NXPH1: variants seen among roughly 807,000 people sequenced by gnomAD.
The protein encoded by NXPH1 is neurexophilin-1.
In NXPH1, 5 loss-of-function variants were observed where a neutral mutation model predicts 23.7. The observed-to-expected ratio is 0.21, with a 90% CI of 0.11 to 0.44. The LOEUF (loss-of-function observed/expected upper bound fraction) is 0.44, where lower values mean the gene tolerates loss of function less well. Ranked by LOEUF, NXPH1 falls within the 20% of genes least tolerant of loss-of-function variation. The pLI, the probability that NXPH1 is intolerant of heterozygous loss-of-function variation, is 0.99. For missense variants in NXPH1, 324 were observed against 321.6 expected (o/e 1.01, Z -0.06); for synonymous variants, 144 against 122.2 (o/e 1.18, Z -1.18).
intron 2 of NXPH1, among the ~76,000 whole-genome samples, chr7:8,663,924 A>G (rs1562447287): frequency 6.6e-6 from 1 of 152,206 alleles, no homozygotes; most frequent in East Asian, 1.9e-4. Context: ...CTGGATTTAG[A>G]ACGCCATGTA....
At chr7:8,710,639 C>CGGT (rs1313179712) in intron 2 of NXPH1, among the ~76,000 whole-genome samples, 1 of 32,314 alleles carries the variant, frequency 3.1e-5, no homozygotes, top group Non-Finnish European at 5.1e-5. Flanking sequence ...TCAACTGTTA[C>CGGT]GTTTTTTGTT....
At chr7:8,606,036 T>C (rs1252260517) in intron 2 of NXPH1, among the ~76,000 whole-genome samples, 2 of 152,140 alleles carry the variant, frequency 1.3e-5, no homozygotes, top group African/African-American at 4.8e-5. Flanking sequence ...CTGTGTCTAA[T>C]ATGTAAAAAT....
intron 2 of NXPH1, among the ~76,000 whole-genome samples, chr7:8,575,750 C>A (rs1818742483): frequency 7.3e-6 from 1 of 137,782 alleles, no homozygotes. Context: ...AGGCATTGGG[C>A]AATGATCTTT....
intron 2 of NXPH1, among the ~76,000 whole-genome samples, chr7:8,485,356 C>G (rs1817141779): frequency 6.6e-6 from 1 of 152,166 alleles, no homozygotes; most frequent in African/African-American, 2.4e-5. Flanking sequence ...ATTACCCAGT[C>G]TTGGGTATGT....
At position 8,435,343 on chromosome 7, in the gene NXPH1, C is replaced by T. The variant is rs1206678188; in HGVS notation, c.-110-261C>T. 2 of 332,666 alleles carry T rather than the reference C, an allele frequency of 6.0e-6. No individual in the cohort carries two copies. Among genetic ancestry groups the T allele is most frequent in the African/African-American group, 2.2e-5 (1 of 45,966 alleles). 20.6% of individuals were successfully genotyped at this position (332,666 alleles called of 1,614,324 possible). Reference sequence around the variant, plus strand: ...CTGCACGCGGCTCAGTGTGCTCCGCCGCCTGGGAACTCGCACCCGAGGAGC... The same window carrying T: ...CTGCACGCGGCTCAGTGTGCTCCGCTGCCTGGGAACTCGCACCCGAGGAGC... On this transcript the variant is annotated intron_variant, in intron 1 of 2. Transcript: ENST00000405863. The surrounding 1 kb of genome is among the most constrained non-coding windows in gnomAD (Gnocchi z 5.9).
At chr7:8,474,288 A>T (rs1049122657) in intron 2 of NXPH1, among the ~76,000 whole-genome samples, 1 of 152,100 alleles carries the variant, frequency 6.6e-6, no homozygotes, top group South Asian at 2.1e-4. Context: ...AATTTTGATC[A>T]GTTTCTATCA....
intron 2 of NXPH1, among the ~76,000 whole-genome samples, chr7:8,565,457 A>G: frequency 6.6e-6 from 1 of 151,160 alleles, no homozygotes; most frequent in Non-Finnish European, 1.5e-5. Context: ...GAGCTTATGC[A>G]ATCCTTAGAA....
intron 2 of NXPH1, among the ~76,000 whole-genome samples, chr7:8,695,308 T>C (rs1052444985): frequency 4.6e-5 from 7 of 152,180 alleles, no homozygotes; most frequent in African/African-American, 1.7e-4. Context: ...GTGGCGAAAC[T>C]GAGGTTACTA....
chr7:8,497,960 T>C (rs1817366050), intron 2 of NXPH1, among the ~76,000 whole-genome samples: 1 of 152,122 alleles, frequency 6.6e-6, no homozygotes, highest in Non-Finnish European at 1.5e-5. Context: ...TGAATGGTAT[T>C]GCCTAGGTTT....
chr7:8,646,090 CA>C (rs754470903), intron 2 of NXPH1, among the ~76,000 whole-genome samples: 9 of 152,096 alleles, frequency 5.9e-5, no homozygotes, highest in Non-Finnish European at 1.3e-4. Context: ...ACATCTTTTA[CA>C]TATTATCATC....
intron 2 of NXPH1, among the ~76,000 whole-genome samples, chr7:8,482,947 C>A (rs569696781): frequency 1.3e-5 from 2 of 152,114 alleles, no homozygotes; most frequent in African/African-American, 2.4e-5. Flanking sequence ...TCCAAATAAA[C>A]GAAATATCTT....
rs1196131099 is a variant in NXPH1 at position 8,539,213 on chromosome 7, C to T, written c.54+103446C>T. Among the ~76,000 whole-genome samples, 9 of 151,742 alleles carry T rather than the reference C, an allele frequency of 5.9e-5. 1 individual carries two copies. On this transcript the variant is annotated intron_variant, in intron 2 of 2. Coordinates refer to ENST00000405863, the MANE Select transcript of NXPH1 (RefSeq NM_152745.3). ...AAAGCACCACTATCAGCTAAATTCT[C>T]ATCTAAATTGACAAGAAGCTAAGGG... is the stretch of plus-strand genomic sequence containing the variant.
At chr7:8,576,203 A>G (rs1818752525) in intron 2 of NXPH1, among the ~76,000 whole-genome samples, 1 of 151,808 alleles carries the variant, frequency 6.6e-6, no homozygotes, top group Middle Eastern at 3.2e-3. Flanking sequence ...ATGTTTGAAA[A>G]CTCCATTCAT....
chr7:8,649,438 A>T (rs1202105440), intron 2 of NXPH1, among the ~76,000 whole-genome samples: 1 of 152,170 alleles, frequency 6.6e-6, no homozygotes, highest in Non-Finnish European at 1.5e-5. Flanking sequence ...ACCTGTGTGT[A>T]TGTGCACCTG....
chr7:8,528,308 G>A (rs150935093), intron 2 of NXPH1, among the ~76,000 whole-genome samples: 1 of 152,218 alleles, frequency 6.6e-6, no homozygotes, highest in Non-Finnish European at 1.5e-5. Context: ...AATGGCTCTG[G>A]GGGGAGCCAG....
chr7:8,449,666 C>A (rs1285884599), intron 2 of NXPH1, among the ~76,000 whole-genome samples: 1 of 152,112 alleles, frequency 6.6e-6, no homozygotes, highest in African/African-American at 2.4e-5. Context: ...TATTCTTGAC[C>A]AGGGCTTTTA....
At position 8,592,084 on chromosome 7, in the gene NXPH1, C is replaced by T. The variant is rs1244156364; in HGVS notation, c.54+156317C>T. Among the ~76,000 whole-genome samples, 5 of 151,824 alleles carry T rather than the reference C, an allele frequency of 3.3e-5. 1 individual carries two copies. Among genetic ancestry groups the T allele is most frequent in the Non-Finnish European group, 5.9e-5 (4 of 67,950 alleles). ...GCGAAAGATTGTCAAAAGTTGTCATCTAAATATATAACTGTAAGGGTACTA... is the reference window on the plus strand; with the variant it reads ...GCGAAAGATTGTCAAAAGTTGTCATTTAAATATATAACTGTAAGGGTACTA... On this transcript the variant is annotated intron_variant, in intron 2 of 2. Transcript: ENST00000405863.
intron 2 of NXPH1, among the ~76,000 whole-genome samples, chr7:8,746,755 G>C (rs1345994048): frequency 6.6e-6 from 1 of 151,944 alleles, no homozygotes; most frequent in Non-Finnish European, 1.5e-5. Context: ...TTGACTATAA[G>C]TACAAATGTT....
At chr7:8,500,358 A>T (rs1230732625) in intron 2 of NXPH1, among the ~76,000 whole-genome samples, 5 of 152,086 alleles carry the variant, frequency 3.3e-5, no homozygotes, top group Admixed American at 6.6e-5. Context: ...ATCTGAGAAA[A>T]GGCAGGATAT....
Sources: allele counts gnomAD v4.1 joint callset (sites outside exome capture counted in the v4.1 genomes callset), GRCh38; gene constraint gnomAD v4.1.1; non-coding constraint Gnocchi (gnomAD v3.1); transcripts MANE v1.5; gene names NCBI Gene and HGNC (gene_info 2026-07-23, HGNC 2026-07-21).